ATP11B: variants seen among roughly 807,000 people sequenced by gnomAD.
ATP11B encodes phospholipid-transporting ATPase IF.
ATP11B carries 81 observed loss-of-function variants against 157.8 expected under a neutral mutation model. The ratio of observed to expected loss-of-function variants is 0.51; its 90% CI spans 0.43 to 0.62. The LOEUF is 0.62. Among genes scored for constraint, ATP11B ranks in the 20% least tolerant of loss-of-function variants. The pLI is 0.00. For missense variants in ATP11B, 1,165 were observed against 1,402.2 expected (o/e 0.83, Z 2.70); for synonymous variants, 451 against 469.4 (o/e 0.96, Z 0.51).
chr3:182,841,965 C>G lies in ATP11B; in HGVS notation c.657-110C>G, dbSNP rs991667229. On this transcript the variant is annotated intron_variant, in intron 7 of 29. Coordinates refer to ENST00000323116, the MANE Select transcript of ATP11B (RefSeq NM_014616.3). ...CTGCACTCCAGCCTAGGCGACAGAG[C>G]AAGACTCGTCTCAAAAAAAAAAAAA... The G allele has an allele frequency of 7.4e-5, 44 of 597,414 alleles. No homozygotes were observed. In the South Asian group the frequency reaches 8.6e-4, roughly 12 times the overall value. The allele number at this position is 597,414 out of a possible 1,614,324, so 37.0% of individuals were successfully genotyped here.
rs751475747 is a variant in ATP11B at position 182,873,817 on chromosome 3, A to G, written c.2054A>G (p.Gln685Arg). 1 of 1,613,810 alleles carries G rather than the reference A, an allele frequency of 6.2e-7. No homozygotes were observed. The highest frequency in any genetic ancestry group is 1.1e-5 in the South Asian group (1 of 91,074). ...TTTGTTTCTGTTCTTTTCAGACTAC[A>G]AGATAAAGTTCGAGAAACTATTGAA... ...LGATAVEDRL[Q>R]DKVRETIEAL... Residue 685 changes from glutamine (Q) to arginine (R), a missense_variant, in exon 19 of 30, where the codon CAA (glutamine) becomes CGA (arginine). Gln to Arg is a conservative substitution (Grantham distance 43). Coordinates refer to ENST00000323116, the MANE Select transcript of ATP11B (RefSeq NM_014616.3).
chr3:182,816,731 G>A (rs978854328), intron 1 of ATP11B, among the ~76,000 whole-genome samples: 3 of 152,186 alleles, frequency 2.0e-5, no homozygotes, highest in African/African-American at 7.2e-5. Context: ...ATCATGCAAA[G>A]CTCATGAAAC....
At chr3:182,908,265 A>G (rs1343098034) in intron 28 of ATP11B, among the ~76,000 whole-genome samples, 3 of 136,120 alleles carry the variant, frequency 2.2e-5, no homozygotes, top group Non-Finnish European at 4.5e-5. Context: ...GCTGGAGTGC[A>G]GAAGCACCAT....
At chr3:182,896,549 C>G in intron 25 of ATP11B, 151 bp from the exon 26 acceptor site, 1 of 640,148 alleles carries the variant, frequency 1.6e-6, no homozygotes, top group Non-Finnish European at 2.8e-6. Flanking sequence ...CTGTTCTTCT[C>G]ATACTTTTAA....
At chr3:182,846,295 C>A (rs375092672) in intron 9 of ATP11B, among the ~76,000 whole-genome samples, 10 of 145,860 alleles carry the variant, frequency 6.9e-5, no homozygotes, top group East Asian at 5.9e-4. Context: ...GTCCATATGT[C>A]GAGAAAAAAA....
intron 28 of ATP11B, among the ~76,000 whole-genome samples, chr3:182,905,580 C>T (rs2036712): frequency 0.32 from 48,916 of 152,058 alleles, 8,779 homozygotes; most frequent in East Asian, 0.56. Context: ...GTTAGAGCTT[C>T]GTGCACTGAA....
rs1004495345 is a variant in ATP11B, at chr3:182,845,409, G to T, written c.705-49G>T. 4.8e-6 allele frequency: 7 copies of T among 1,464,444 alleles called. No homozygotes were observed. In the Admixed American group the frequency reaches 1.1e-4, roughly 24 times the overall value. The allele number at this position is 1,464,444 out of a possible 1,614,324, so 90.7% of individuals were successfully genotyped here. A position where few individuals can be genotyped will look rare whatever the true frequency, so the allele number is the denominator to read the frequency against. The stretch of plus-strand genomic sequence containing the variant: ...CTGAAGATGCCATTTCAGAATTGAA[G>T]AGTTTTTAATATATTCAGTGCTTTA... On this transcript the variant is annotated intron_variant, in intron 8 of 29. Transcript: ENST00000323116.
intron 10 of ATP11B, among the ~76,000 whole-genome samples, chr3:182,852,739 C>T (rs971484238): frequency 2.6e-5 from 4 of 152,112 alleles, no homozygotes; most frequent in African/African-American, 9.7e-5. Flanking sequence ...AGCATAATAA[C>T]TAAATCTGTA....
chr3:182,814,225 G>A (rs577663334), intron 1 of ATP11B, among the ~76,000 whole-genome samples: 48 of 151,832 alleles, frequency 3.2e-4, no homozygotes, highest in African/African-American at 1.1e-3. Context: ...CACCACACCC[G>A]GCTAATTTTT....
intron 4 of ATP11B, among the ~76,000 whole-genome samples, chr3:182,835,414 A>G (rs1015336851): frequency 6.6e-6 from 1 of 152,204 alleles, no homozygotes. Context: ...GAAACAATAG[A>G]ATTTAGTGAT....
At position 182,828,164 on chromosome 3, in the gene ATP11B, C is replaced by G. The variant is rs1717852922; in HGVS notation, c.189C>G (p.Phe63Leu). ...NFVPKNLFEQFRRVANFYFLI... is the reference protein window; with the variant it reads ...NFVPKNLFEQLRRVANFYFLI... Reference sequence around the variant, plus strand: ...TTCCAAAAAATTTATTTGAACAGTTCAGAAGAGTGGCAAACTTTTATTTTC... The same window carrying G: ...TTCCAAAAAATTTATTTGAACAGTTGAGAAGAGTGGCAAACTTTTATTTTC... Residue 63 changes from phenylalanine to leucine, a missense_variant, in exon 3 of 30, where the codon TTC becomes TTG. Around this residue, in one of 4 missense-constraint regions of ATP11B, gnomAD observed 91 missense variants for 95.8 expected, o/e 0.95. Transcript: ENST00000323116. 1 of 1,513,612 alleles carries G rather than the reference C, an allele frequency of 6.6e-7. No homozygotes were observed. The highest frequency in any genetic ancestry group is 2.4e-5 in the East Asian group (1 of 41,736). 93.8% of individuals were successfully genotyped at this position (1,513,612 alleles called of 1,614,324 possible). A position where few individuals can be genotyped will look rare whatever the true frequency, so the allele number is the denominator to read the frequency against.
chr3:182,881,059 T>C, intron 21 of ATP11B, 78 bp downstream of exon 21: 1 of 1,123,952 alleles, frequency 8.9e-7, no homozygotes, highest in Non-Finnish European at 1.3e-6. Context: ...AATTTTCTTT[T>C]TGTAGATTAA....
At chr3:182,857,222 T>TGCAA (rs1720472101) in intron 10 of ATP11B, among the ~76,000 whole-genome samples, 1 of 152,214 alleles carries the variant, frequency 6.6e-6, no homozygotes, top group Non-Finnish European at 1.5e-5. Context: ...CTCGCCTCAC[T>TGCAA]GCAAGCTCTG....
intron 1 of ATP11B, among the ~76,000 whole-genome samples, chr3:182,816,033 G>C (rs1218550422): frequency 4.6e-5 from 7 of 151,832 alleles, no homozygotes; most frequent in African/African-American, 1.5e-4. Context: ...ATCCTGTCTT[G>C]TGTATTAACA....
At chr3:182,815,154 G>C (rs915217428) in intron 1 of ATP11B, among the ~76,000 whole-genome samples, 3 of 152,158 alleles carry the variant, frequency 2.0e-5, no homozygotes, top group Non-Finnish European at 4.4e-5. Context: ...ACTCACCCCT[G>C]CACTAAGCCA....
rs371601982 is a variant in ATP11B, at chr3:182,898,587, C to T, written c.3153-20C>T. 7.6e-6 allele frequency: 12 copies of T among 1,570,754 alleles called. No homozygotes were observed. In the African/African-American group the frequency reaches 1.6e-4, roughly 21 times the overall value. Reference sequence around the variant, plus strand: ...TCTTTCAGTTTCCACTTTTATTAAGCACATTTTCTTTCTTTGCAGGCCATT... The same window carrying T: ...TCTTTCAGTTTCCACTTTTATTAAGTACATTTTCTTTCTTTGCAGGCCATT... On this transcript the variant is annotated intron_variant, in intron 27 of 29. Coordinates refer to ENST00000323116, the MANE Select transcript of ATP11B (RefSeq NM_014616.3).
At chr3:182,825,201 C>T (rs532297302) in intron 2 of ATP11B, among the ~76,000 whole-genome samples, 54 of 152,286 alleles carry the variant, frequency 3.5e-4, no homozygotes, top group African/African-American at 1.3e-3. Context: ...GGATTTTCAG[C>T]CTGTTGAATG....
intron 28 of ATP11B, among the ~76,000 whole-genome samples, chr3:182,904,674 G>A (rs1289007121): frequency 1.3e-5 from 2 of 152,108 alleles, no homozygotes; most frequent in African/African-American, 4.8e-5. Context: ...GATCCCTTAA[G>A]GTCAAGAGTT....
intron 29 of ATP11B, chr3:182,915,041 G>GT (rs1725050620): frequency 1.0e-6 from 1 of 985,386 alleles, no homozygotes; most frequent in Non-Finnish European, 1.2e-6. Context: ...GTTATAAAGA[G>GT]TGAAGAAGGC....
Sources: gnomAD v4.1 joint callset for allele counts (sites outside exome capture counted in the v4.1 genomes callset) on GRCh38, gnomAD v4.1.1 for gene constraint, gnomAD v4.1.1 regional missense constraint, MANE v1.5 for transcripts, NCBI Gene and HGNC (gene_info 2026-07-23, HGNC 2026-07-21) for gene names.